Variants in RIMBP2 observed in about 807,000 individuals in gnomAD.
The protein encoded by RIMBP2 is RIMS binding protein 2, also known as RIMS-binding protein 2.
In RIMBP2, 48 loss-of-function variants were observed where a neutral mutation model predicts 118.6. That is an observed-to-expected ratio of 0.40 (90% CI 0.32 to 0.51). The LOEUF (loss-of-function observed/expected upper bound fraction) is 0.51. Among genes scored for constraint, RIMBP2 ranks in the 20% least tolerant of loss-of-function variants. RIMBP2 has a pLI of 0.41. For synonymous variants in RIMBP2, 762 were observed against 742.9 expected (o/e 1.03, Z -0.42); for missense variants, 1,551 against 1,768.3 (o/e 0.88, Z 2.20).
chr12:130,418,463 T>A (rs2076228711), intron 17 of RIMBP2, among the ~76,000 whole-genome samples: 1 of 152,184 alleles, frequency 6.6e-6, no homozygotes, highest in African/African-American at 2.4e-5. Context: ...TGTGGCTGCA[T>A]GAGAAGGACG....
At position 130,606,243 on chromosome 12, in the gene RIMBP2, T is replaced by C. The variant is rs1026443345; in HGVS notation, c.-217+22079A>G. Among the ~76,000 whole-genome samples the C allele has an allele frequency of 3.3e-5, 5 of 152,358 alleles. No individual in the cohort carries two copies. The East Asian group carries it at 7.7e-4, about 23-fold the overall frequency. ...TGGTGGGAATTACACACAGGTGTTT[T>C]CTTGTCTGTATGTTTCTGAGAAAAA... is the stretch of plus-strand genomic sequence containing the variant. On this transcript the variant is annotated intron_variant, in intron 2 of 22. Coordinates refer to ENST00000690449, the MANE Select transcript of RIMBP2 (RefSeq NM_001393629.1).
intron 2 of RIMBP2, among the ~76,000 whole-genome samples, chr12:130,570,074 G>T (rs1279486123): frequency 6.6e-6 from 1 of 152,052 alleles, no homozygotes; most frequent in African/African-American, 2.4e-5. Flanking sequence ...GCACAGCCCG[G>T]ATCTGCTTGA....
At chr12:130,616,763 C>T (rs1242368177) in intron 2 of RIMBP2, among the ~76,000 whole-genome samples, 1 of 152,202 alleles carries the variant, frequency 6.6e-6, no homozygotes, top group Admixed American at 6.5e-5. Flanking sequence ...TCTCCAGTGA[C>T]AGGAGAGCTC....
intron 6 of RIMBP2, among the ~76,000 whole-genome samples, chr12:130,457,266 T>C (rs1406725518): frequency 6.6e-6 from 1 of 152,222 alleles, no homozygotes; most frequent in Non-Finnish European, 1.5e-5. Context: ...AAGGACTCTC[T>C]ATCTGCTATG....
At chr12:130,436,456 C>G (rs2077525540) in intron 13 of RIMBP2, among the ~76,000 whole-genome samples, 1 of 152,110 alleles carries the variant, frequency 6.6e-6, no homozygotes, top group South Asian at 2.1e-4. Context: ...CACACACACA[C>G]AGAACCTAGG....
intron 19 of RIMBP2, among the ~76,000 whole-genome samples, chr12:130,409,647 A>T (rs1165756470): frequency 6.6e-6 from 1 of 152,046 alleles, no homozygotes; most frequent in East Asian, 1.9e-4. Flanking sequence ...CCGGCCCAGA[A>T]TGTAGCTTTT....
chr12:130,436,837 CT>C lies in RIMBP2; in HGVS notation c.2106+4del. 7.0e-7 allele frequency: 1 copy of C among 1,422,736 alleles called. No homozygotes were observed. Among genetic ancestry groups the C allele is most frequent in the East Asian group, 2.8e-5 (1 of 36,304 alleles). 88.1% of individuals were successfully genotyped at this position (1,422,736 alleles called of 1,614,324 possible). A position where few individuals can be genotyped will look rare whatever the true frequency, so the allele number is the denominator to read the frequency against. ...GAGCCACCGAGGCGGGAGCCCCAGC[CT>C]TACCCTGCTGCTCTCGGCCACCCTC... On this transcript the variant is annotated splice_donor_region_variant and intron_variant, in intron 13 of 22. Coordinates refer to ENST00000690449, the MANE Select transcript of RIMBP2 (RefSeq NM_001393629.1).
chr12:130,570,783 T>C (rs1232148397), intron 2 of RIMBP2, among the ~76,000 whole-genome samples: 1 of 152,226 alleles, frequency 6.6e-6, no homozygotes, highest in African/African-American at 2.4e-5. Context: ...TTCCTTCTTA[T>C]GCACTTTCAT....
intron 2 of RIMBP2, among the ~76,000 whole-genome samples, chr12:130,538,850 T>A (rs2054305204): frequency 6.6e-6 from 1 of 152,130 alleles, no homozygotes; most frequent in Non-Finnish European, 1.5e-5. Context: ...CTCCCCGTAT[T>A]GCCTGGGGAT....
intron 2 of RIMBP2, among the ~76,000 whole-genome samples, chr12:130,519,758 G>A (rs562945147): frequency 3.9e-5 from 6 of 152,278 alleles, no homozygotes; most frequent in African/African-American, 1.2e-4. Context: ...TTAGATTATG[G>A]GTTCTGAGGT....
chr12:130,544,476 C>T (rs2054914543), intron 2 of RIMBP2, among the ~76,000 whole-genome samples: 1 of 152,204 alleles, frequency 6.6e-6, no homozygotes, highest in Non-Finnish European at 1.5e-5. Flanking sequence ...CCCTCTCTCC[C>T]TCTCCCTGCT....
intron 2 of RIMBP2, among the ~76,000 whole-genome samples, chr12:130,530,234 G>A (rs1339691113): frequency 6.6e-6 from 1 of 152,104 alleles, no homozygotes; most frequent in African/African-American, 2.4e-5. Context: ...GGAACTTACC[G>A]AGACTTGATA....
chr12:130,599,362 T>C (rs2059739716), intron 2 of RIMBP2, among the ~76,000 whole-genome samples: 1 of 152,218 alleles, frequency 6.6e-6, no homozygotes, highest in Non-Finnish European at 1.5e-5. Context: ...TTGCAACTAA[T>C]ATATCTGACA....
At chr12:130,485,849 A>G (rs759103562) in intron 4 of RIMBP2, among the ~76,000 whole-genome samples, 19 of 152,284 alleles carry the variant, frequency 1.2e-4, no homozygotes, top group Admixed American at 3.3e-4. Flanking sequence ...AGATGGATGG[A>G]AACAAGTACA....
In RIMBP2 at chr12:130,642,338, G is replaced by A. The variant is rs1252808293; in HGVS notation, c.-351-13882C>T. On this transcript the variant is annotated intron_variant, in intron 1 of 22. Transcript: ENST00000690449. ...TTGCTCTCATCACCCAGGCTAGAGTGCAATGGCGCGATCTCAGCTCACTGT... is the reference window on the plus strand; with the variant it reads ...TTGCTCTCATCACCCAGGCTAGAGTACAATGGCGCGATCTCAGCTCACTGT... Among the ~76,000 whole-genome samples, 13 of 152,254 alleles carry A rather than the reference G, an allele frequency of 8.5e-5. No individual in the cohort carries two copies. In the South Asian group the frequency reaches 2.3e-3, roughly 27 times the overall value.
At chr12:130,479,111 G>A (rs1057087425) in intron 4 of RIMBP2, 95 bp from the exon 5 acceptor site, 13 of 982,550 alleles carry the variant, frequency 1.3e-5, no homozygotes, top group South Asian at 1.0e-4. Context: ...GACTCAGCCC[G>A]GTCACTCCAG....
chr12:130,675,438 G>T (rs2064411815), intron 1 of RIMBP2, among the ~76,000 whole-genome samples: 1 of 152,160 alleles, frequency 6.6e-6, no homozygotes, highest in South Asian at 2.1e-4. Flanking sequence ...TCTGCACAGA[G>T]GCAAAATCTG....
chr12:130,461,039 G>C (rs571409894), intron 6 of RIMBP2, among the ~76,000 whole-genome samples: 2 of 152,186 alleles, frequency 1.3e-5, no homozygotes, highest in Admixed American at 6.5e-5. Flanking sequence ...TAGGGCCAGT[G>C]GTTCGCCATC....
chr12:130,678,347 C>T (rs1018641997), intron 1 of RIMBP2, among the ~76,000 whole-genome samples: 1 of 152,226 alleles, frequency 6.6e-6, no homozygotes, highest in African/African-American at 2.4e-5. Flanking sequence ...AGAACTGAAG[C>T]ATCCGTCAGC....
Sources: allele counts gnomAD v4.1 joint callset (sites outside exome capture counted in the v4.1 genomes callset), GRCh38; gene constraint gnomAD v4.1.1; transcripts MANE v1.5; gene names NCBI Gene and HGNC (gene_info 2026-07-23, HGNC 2026-07-21).